KPNA7: variants seen among roughly 807,000 people sequenced by gnomAD.
KPNA7 encodes the protein karyopherin subunit alpha 7.
In KPNA7, 54 loss-of-function variants were observed where a neutral mutation model predicts 53.7. The observed-to-expected ratio is 1.01, with a 90% CI of 0.81 to 1.26. The LOEUF (loss-of-function observed/expected upper bound fraction) is 1.26. Among genes scored for constraint, KPNA7 ranks in the 50% most tolerant of loss-of-function variants. The pLI is 0.00. For synonymous variants in KPNA7, 276 were observed against 259.3 expected (o/e 1.06, Z -0.62); for missense variants, 640 against 644.5 (o/e 0.99, Z 0.07).
chr7:99,166,980 G>T, the KPNA7 span, among the ~76,000 whole-genome samples: 1,783 of 152,276 alleles, frequency 0.012, 33 homozygotes, highest in African/African-American at 0.041. Flanking sequence ...TGCATTCACA[G>T]GTGTTATATG....
chr7:99,194,999 AC>A, intron 5 of KPNA7, 70 bp downstream of exon 5: 2 of 1,482,084 alleles, frequency 1.3e-6, no homozygotes, highest in Non-Finnish European at 1.8e-6. Flanking sequence ...ATACCCCACC[AC>A]CCAAAGAAAC....
chr7:99,160,026 T>TG, the KPNA7 span, among the ~76,000 whole-genome samples: 62 of 115,188 alleles, frequency 5.4e-4, no homozygotes, highest in Non-Finnish European at 9.4e-4. Flanking sequence ...TGTTTTTTTT[T>TG]TTTTTTTTTT....
intron 10 of KPNA7, among the ~76,000 whole-genome samples, chr7:99,176,185 C>G (rs1159839302): frequency 6.6e-6 from 1 of 151,314 alleles, no homozygotes; most frequent in Non-Finnish European, 1.5e-5. Context: ...GTAATCCCAG[C>G]TACTTGGGAG....
chr7:99,163,470 C>T, the KPNA7 span, among the ~76,000 whole-genome samples: 9 of 130,734 alleles, frequency 6.9e-5, no homozygotes, highest in African/African-American at 2.6e-4. Flanking sequence ...CTCACTGTAA[C>T]CTTGAACTCC....
intron 5 of KPNA7, among the ~76,000 whole-genome samples, chr7:99,193,389 G>A (rs1433555652): frequency 2.0e-5 from 3 of 152,184 alleles, no homozygotes; most frequent in South Asian, 2.1e-4. Context: ...TCAGGAAGAC[G>A]AAGGCTGGTC....
intron 1 of KPNA7, among the ~76,000 whole-genome samples, chr7:99,219,275 G>C (rs1223392503): frequency 1.3e-5 from 2 of 152,178 alleles, no homozygotes; most frequent in Non-Finnish European, 2.9e-5. Context: ...AGTGGGGTGA[G>C]GGTTGAGGGG....
chr7:99,209,451 G>C (rs1448466675), upstream of KPNA7, among the ~76,000 whole-genome samples: 1 of 151,778 alleles, frequency 6.6e-6, no homozygotes, highest in East Asian at 1.9e-4. Context: ...CAGAGTACAT[G>C]TGATTGTGGA....
chr7:99,157,659 A>G, the KPNA7 span, among the ~76,000 whole-genome samples: 1 of 152,198 alleles, frequency 6.6e-6, no homozygotes, highest in South Asian at 2.1e-4. Flanking sequence ...GATTTCCCCT[A>G]TGAATAGATT....
chr7:99,218,265 G>A (rs1284851869), intron 1 of KPNA7, among the ~76,000 whole-genome samples: 1 of 152,076 alleles, frequency 6.6e-6, no homozygotes, highest in Non-Finnish European at 1.5e-5. Flanking sequence ...AGGACTACAG[G>A]TGCACACTGC....
At chr7:99,212,065 A>G (rs1288746854), upstream of KPNA7, among the ~76,000 whole-genome samples, 1 of 152,018 alleles carries the variant, frequency 6.6e-6, no homozygotes, top group Non-Finnish European at 1.5e-5. Flanking sequence ...GCTTAAGACT[A>G]TCTCAGGCTT....
downstream of KPNA7, among the ~76,000 whole-genome samples, chr7:99,168,822 G>A (rs1006726428): frequency 2.0e-5 from 3 of 152,176 alleles, no homozygotes; most frequent in Non-Finnish European, 2.9e-5. Flanking sequence ...TTGACATGGA[G>A]GCACCGCCAC....
the KPNA7 span, among the ~76,000 whole-genome samples, chr7:99,166,180 G>T: frequency 2.8e-4 from 42 of 152,222 alleles, 2 homozygotes; most frequent in East Asian, 7.5e-3. Context: ...CCAGACTCAG[G>T]TATTTATTTA....
chr7:99,193,664 C>G (rs1398444307), intron 5 of KPNA7, among the ~76,000 whole-genome samples: 3 of 150,072 alleles, frequency 2.0e-5, no homozygotes, highest in Non-Finnish European at 4.4e-5. Flanking sequence ...CCTCCTGCAG[C>G]CTTTTATTTT....
chr7:99,189,951 C>T (rs989795995), intron 6 of KPNA7, among the ~76,000 whole-genome samples: 3 of 152,086 alleles, frequency 2.0e-5, no homozygotes, highest in Non-Finnish European at 4.4e-5. Context: ...GGATGGGAAT[C>T]AGCTCCTTCC....
At chr7:99,157,686 T>A in the KPNA7 span, among the ~76,000 whole-genome samples, 5 of 152,224 alleles carry the variant, frequency 3.3e-5, no homozygotes, top group African/African-American at 9.7e-5. Flanking sequence ...CTGAATGCCC[T>A]ATGGATGTGA....
At chr7:99,181,605 T>C (rs552037604) in intron 9 of KPNA7, among the ~76,000 whole-genome samples, 1 of 152,300 alleles carries the variant, frequency 6.6e-6, no homozygotes, top group South Asian at 2.1e-4. Flanking sequence ...TGGAGTGCAG[T>C]GGCACTATCT....
chr7:99,179,158 G>C (rs1333223795), intron 9 of KPNA7, among the ~76,000 whole-genome samples: 1 of 152,108 alleles, frequency 6.6e-6, no homozygotes, highest in Non-Finnish European at 1.5e-5. Flanking sequence ...TCTTGACTCA[G>C]ATCATTCAAG....
At chr7:99,207,568 C>A in intron 1 of KPNA7, 79 bp from the exon 2 acceptor site, 1 of 574,248 alleles carries the variant, frequency 1.7e-6, no homozygotes, top group South Asian at 1.5e-5. Flanking sequence ...GGCTCTAACC[C>A]TTAAAGGGCT....
the KPNA7 span, among the ~76,000 whole-genome samples, chr7:99,155,316 C>T: frequency 6.6e-6 from 1 of 152,216 alleles, no homozygotes; most frequent in Admixed American, 6.5e-5. Flanking sequence ...TATACTCCCA[C>T]CTTCATCCTT....
Sources: gnomAD v4.1 joint callset for allele counts (sites outside exome capture counted in the v4.1 genomes callset) on GRCh38, gnomAD v4.1.1 for gene constraint, MANE v1.5 for transcripts, NCBI Gene and HGNC (gene_info 2026-07-23, HGNC 2026-07-21) for gene names.